Variants in DPYSL5 observed in about 807,000 individuals in gnomAD.
The protein encoded by DPYSL5 is dihydropyrimidinase-related protein 5.
Under a neutral mutation model 58.4 loss-of-function variants are expected in DPYSL5, and 9 were observed. The observed-to-expected ratio is 0.15, with a 90% confidence interval of 0.09 to 0.27. The LOEUF (loss-of-function observed/expected upper bound fraction) is 0.27. DPYSL5 is among the 10% of genes least tolerant of loss of function. The pLI is 1.00. For synonymous variants in DPYSL5, 293 were observed against 301.9 expected, an observed-to-expected ratio of 0.97 and a Z score of 0.31; for missense variants, 499 against 770.6, an observed-to-expected ratio of 0.65 and a Z score of 4.17.
chr2:26,884,269 T>G (rs1663651249), intron 1 of DPYSL5, among the ~76,000 whole-genome samples: 1 of 152,158 alleles, frequency 6.6e-6, no homozygotes, highest in Non-Finnish European at 1.5e-5. Flanking sequence ...GTCTCCCATG[T>G]GTACACCTGT....
intron 2 of DPYSL5, among the ~76,000 whole-genome samples, chr2:26,922,192 G>A (rs1230899148): frequency 6.6e-6 from 1 of 152,178 alleles, no homozygotes; most frequent in Non-Finnish European, 1.5e-5. Context: ...CCTCCTGGGG[G>A]ACAGACCACC....
rs185573224 is a variant in DPYSL5 at position 26,849,934 on chromosome 2, G to T, written c.-5+1680G>T. ...CGCCCCGCGCTGTCCACCCGCTGCC[G>T]AGACGCGGCGTGGTTAGCGGCGCGG... On this transcript the variant is annotated intron_variant, in intron 1 of 12. Transcript: ENST00000288699. This position sits in a 1 kb window ranked among gnomAD's most constrained non-coding sequence, Gnocchi z 6.2. Among the ~76,000 whole-genome samples the T allele has an allele frequency of 6.6e-6, 1 of 152,204 alleles. No individual in the cohort carries two copies. Among genetic ancestry groups the T allele is most frequent in the Admixed American group, 6.5e-5 (1 of 15,292 alleles).
chr2:26,925,711 T>C lies in DPYSL5; in HGVS notation c.420+666T>C, dbSNP rs537758760. ...CCCAGGGTCAGAGTCCAGACTCCTC[T>C]CCCCGGATTCCCACTTCCTTGCTCT... is the stretch of plus-strand genomic sequence containing the variant. On this transcript the variant is annotated intron_variant, in intron 3 of 12. Coordinates refer to ENST00000288699, the MANE Select transcript of DPYSL5 (RefSeq NM_020134.4). The surrounding 1 kb of genome is among the most constrained non-coding windows in gnomAD (Gnocchi z 4.5). 2.6e-5 allele frequency among the ~76,000 whole-genome samples: 4 copies of C among 152,296 alleles called. No homozygotes were observed. The East Asian group carries it at 5.8e-4, about 22-fold the overall frequency.
In DPYSL5 at chr2:26,863,908, A is replaced by G. The variant is rs192866118; in HGVS notation, c.-5+15654A>G. Among the ~76,000 whole-genome samples, 141 of 152,272 alleles carry G rather than the reference A, an allele frequency of 9.3e-4. No individual in the cohort carries two copies. In the South Asian group the frequency reaches 0.015, roughly 16 times the overall value. On this transcript the variant is annotated intron_variant, in intron 1 of 12. Transcript: ENST00000288699. ...CACTGTCTGCACTCTAGTTCACAGT[A>G]TTTCCTTTTCGTTTTAATAGATACA...
At chr2:26,911,011 C>T (rs1432577355) in intron 2 of DPYSL5, among the ~76,000 whole-genome samples, 1 of 145,238 alleles carries the variant, frequency 6.9e-6, no homozygotes, top group Non-Finnish European at 1.5e-5. Flanking sequence ...GTAATTTTAG[C>T]TTTTACAGTT....
At chr2:26,856,011 A>G (rs1280479432) in intron 1 of DPYSL5, among the ~76,000 whole-genome samples, 2 of 152,196 alleles carry the variant, frequency 1.3e-5, no homozygotes, top group Admixed American at 1.3e-4. Flanking sequence ...AGTTTGCCGT[A>G]TTGTCAAGTG....
intron 2 of DPYSL5, among the ~76,000 whole-genome samples, chr2:26,908,981 T>A (rs3843322): frequency 6.6e-6 from 1 of 151,896 alleles, no homozygotes; most frequent in Non-Finnish European, 1.5e-5. Flanking sequence ...ATTGGAAATA[T>A]CTGTTCTCCC....
rs892311219 is a variant in DPYSL5 at position 26,924,229 on chromosome 2, A to G, written c.262-658A>G. Among the ~76,000 whole-genome samples the G allele has an allele frequency of 6.6e-6, 1 of 152,188 alleles. No homozygotes were observed. Among genetic ancestry groups the G allele is most frequent in the African/African-American group, 2.4e-5 (1 of 41,452 alleles). On this transcript the variant is annotated intron_variant, in intron 2 of 12. Transcript: ENST00000288699. This position sits in a 1 kb window ranked among gnomAD's most constrained non-coding sequence, Gnocchi z 4.7. ...ATCCGTTTTCACTGATAAATCACAC[A>G]TGCATCTAAAAAATGCCTGTCTCAA... is the stretch of plus-strand genomic sequence containing the variant.
intron 1 of DPYSL5, among the ~76,000 whole-genome samples, chr2:26,886,642 G>C (rs113260930): frequency 2.7e-3 from 405 of 152,236 alleles, no homozygotes; most frequent in African/African-American, 9.4e-3. Flanking sequence ...TAGCCATTTA[G>C]TTTTTTAAAC....
intron 1 of DPYSL5, among the ~76,000 whole-genome samples, chr2:26,880,340 G>T (rs1010119160): frequency 2.0e-5 from 3 of 152,200 alleles, no homozygotes; most frequent in Non-Finnish European, 2.9e-5. Flanking sequence ...TGCCTGGCTT[G>T]GCATAATCAC....
At chr2:26,941,230 AC>A (rs1489038426) in intron 9 of DPYSL5, among the ~76,000 whole-genome samples, 1 of 152,004 alleles carries the variant, frequency 6.6e-6, no homozygotes, top group African/African-American at 2.4e-5. Flanking sequence ...GAGCCACTGC[AC>A]CCGGCCTCTG....
rs78179926 is a variant in DPYSL5 at position 26,849,451 on chromosome 2, G to A, written c.-5+1197G>A. ...GCCGGCTGGGCGTGGCCCTCGGACC[G>A]GGGTTAGGGACCCAGGATGGCAGAT... On this transcript the variant is annotated intron_variant, in intron 1 of 12. Transcript: ENST00000288699. The surrounding 1 kb of genome is among the most constrained non-coding windows in gnomAD (Gnocchi z 6.2). Among the ~76,000 whole-genome samples the A allele has an allele frequency of 6.6e-6, 1 of 152,072 alleles. No individual in the cohort carries two copies. The highest frequency in any genetic ancestry group is 1.5e-5 in the Non-Finnish European group (1 of 67,990).
intron 5 of DPYSL5, among the ~76,000 whole-genome samples, chr2:26,931,167 ATATGTGTGTGTGTGTG>A (rs1664967850): frequency 3.7e-5 from 2 of 54,374 alleles, no homozygotes; most frequent in African/African-American, 1.3e-4. Flanking sequence ...ATATATATAT[ATATGTGTGTGTGTGTG>A]TGTGTGTGTG....
intron 2 of DPYSL5, among the ~76,000 whole-genome samples, chr2:26,911,777 G>A (rs973331425): frequency 7.2e-5 from 11 of 151,962 alleles, no homozygotes; most frequent in East Asian, 3.9e-4. Flanking sequence ...CTTTGTTACC[G>A]TCAGGCCTGG....
chr2:26,859,264 C>T (rs147496166), intron 1 of DPYSL5, among the ~76,000 whole-genome samples: 1 of 151,998 alleles, frequency 6.6e-6, no homozygotes, highest in Admixed American at 6.5e-5. Flanking sequence ...ATAGTACAAC[C>T]ACAAAAATCC....
chr2:26,928,908 GC>G (rs1664900754), intron 5 of DPYSL5, among the ~76,000 whole-genome samples: 1 of 151,522 alleles, frequency 6.6e-6, no homozygotes, highest in Non-Finnish European at 1.5e-5. Flanking sequence ...GACTGAAAAG[GC>G]CTTCAGGTGT....
chr2:26,936,910 C>T (rs2148171161), intron 8 of DPYSL5, among the ~76,000 whole-genome samples: 1 of 128,954 alleles, frequency 7.8e-6, no homozygotes, highest in Admixed American at 8.6e-5. Context: ...CGCACAACTG[C>T]ACTCCAGCGT....
chr2:26,946,423 T>A (rs1665487173), intron 12 of DPYSL5, among the ~76,000 whole-genome samples: 1 of 152,108 alleles, frequency 6.6e-6, no homozygotes, highest in African/African-American at 2.4e-5. Context: ...TGTTTTTTTT[T>A]TTCAATCCTT....
intron 2 of DPYSL5, among the ~76,000 whole-genome samples, chr2:26,906,015 CT>C (rs376448888): frequency 1.9e-3 from 282 of 152,186 alleles, no homozygotes; most frequent in Middle Eastern, 0.01. Flanking sequence ...ACTGAGGTCC[CT>C]GTTTCCTTGT....
Sources: gnomAD v4.1 joint callset for allele counts (sites outside exome capture counted in the v4.1 genomes callset) on GRCh38, gnomAD v4.1.1 for gene constraint, Gnocchi (gnomAD v3.1) non-coding constraint, MANE v1.5 for transcripts, NCBI Gene and HGNC (gene_info 2026-07-23, HGNC 2026-07-21) for gene names.